Variants in TJP1 observed in about 807,000 individuals in gnomAD.
TJP1 encodes tight junction protein ZO-1.
TJP1 carries 43 observed loss-of-function variants against 194.2 expected under a neutral mutation model. The observed-to-expected ratio is 0.22, with a 90% CI of 0.17 to 0.29. TJP1 has a LOEUF of 0.29. Among genes scored for constraint, TJP1 ranks in the 10% least tolerant of loss-of-function variants. The pLI, the probability that TJP1 is intolerant of heterozygous loss-of-function variation, is 1.00. For synonymous variants in TJP1, 801 were observed against 779.0 expected (o/e 1.03, Z -0.47); for missense variants, 1,971 against 2,185.7 (o/e 0.90, Z 1.96).
At chr15:29,794,010 G>T (rs1363533150) in intron 2 of TJP1, among the ~76,000 whole-genome samples, 2 of 152,288 alleles carry the variant, frequency 1.3e-5, no homozygotes, top group East Asian at 1.9e-4. Context: ...AATGAATTTG[G>T]AAGTATTCTC....
intron 2 of TJP1, among the ~76,000 whole-genome samples, chr15:29,949,146 C>T (rs1228035437): frequency 6.6e-5 from 10 of 150,658 alleles, no homozygotes; most frequent in African/African-American, 2.4e-4. Context: ...TCCACCTTCA[C>T]CACCTCCACT....
At chr15:29,907,297 T>C (rs1172323940) in intron 2 of TJP1, among the ~76,000 whole-genome samples, 1 of 151,940 alleles carries the variant, frequency 6.6e-6, no homozygotes, top group Non-Finnish European at 1.5e-5. Flanking sequence ...TAGCCCCAGC[T>C]ACTCGGGAAG....
chr15:29,748,696 C>T (rs1805327119), intron 8 of TJP1, among the ~76,000 whole-genome samples: 2 of 150,204 alleles, frequency 1.3e-5, no homozygotes. Context: ...CCTCAGCCTG[C>T]AAGAGTAGCT....
rs143170352 is a variant in TJP1, at chr15:29,768,119, T to C, written c.313-1577A>G. Among the ~76,000 whole-genome samples the C allele has an allele frequency of 5.9e-5, 9 of 152,326 alleles. No homozygotes were observed. The East Asian group carries it at 1.7e-3, about 29-fold the overall frequency. ...CTCTACACTTAATACTACTGCTTCC[T>C]ATGACTACTACTATTATTATCAGAT... On this transcript the variant is annotated intron_variant, in intron 4 of 27. Coordinates refer to ENST00000614355, the MANE Select transcript of TJP1 (RefSeq NM_001330239.4).
intron 20 of TJP1, 65 bp downstream of exon 20, chr15:29,719,712 C>T: frequency 6.4e-7 from 1 of 1,563,408 alleles, no homozygotes; most frequent in South Asian, 1.2e-5. Flanking sequence ...AAGGGCAAAG[C>T]AAAAATGATC....
chr15:29,941,102 A>G (rs2055057846), intron 2 of TJP1, among the ~76,000 whole-genome samples: 2 of 152,142 alleles, frequency 1.3e-5, no homozygotes, highest in Admixed American at 1.3e-4. Flanking sequence ...CCTCCTTTCA[A>G]GGTTAGCAAA....
At chr15:29,795,504 T>C (rs2048349231) in intron 2 of TJP1, among the ~76,000 whole-genome samples, 1 of 151,232 alleles carries the variant, frequency 6.6e-6, no homozygotes, top group South Asian at 2.1e-4. Context: ...TATTCCTATA[T>C]AAAATTAAAG....
At chr15:29,852,079 A>C (rs1325038044) in intron 2 of TJP1, among the ~76,000 whole-genome samples, 1 of 152,240 alleles carries the variant, frequency 6.6e-6, no homozygotes, top group Non-Finnish European at 1.5e-5. Context: ...AATTTCTTAG[A>C]CCTGACACTA....
chr15:29,938,630 A>T (rs1328157033), intron 2 of TJP1, among the ~76,000 whole-genome samples: 2 of 152,212 alleles, frequency 1.3e-5, no homozygotes, highest in Non-Finnish European at 2.9e-5. Context: ...TCACCTTCGA[A>T]TAAGCACAGG....
At chr15:29,817,295 C>T (rs1231452748) in intron 1 of TJP1, among the ~76,000 whole-genome samples, 1 of 152,128 alleles carries the variant, frequency 6.6e-6, no homozygotes, top group Non-Finnish European at 1.5e-5. Context: ...CCATCTTACA[C>T]CCGTCAGAAT....
chr15:29,862,851 T>C lies in TJP1; in HGVS notation c.307-62149A>G, dbSNP rs568474859. Among the ~76,000 whole-genome samples, 190 of 150,498 alleles carry C rather than the reference T, an allele frequency of 1.3e-3. 1 individual carries two copies. Among genetic ancestry groups the C allele is most frequent in the African/African-American group, 4.3e-3 (176 of 41,184 alleles). On this transcript the variant is annotated intron_variant, in intron 2 of 28. Transcript: ENST00000356107. Reference sequence around the variant, plus strand: ...TTTTAGTAGAGACGGGGTTTCACCGTGTTAGCCAGGATGGTCGCGATCTCC... The same window carrying C: ...TTTTAGTAGAGACGGGGTTTCACCGCGTTAGCCAGGATGGTCGCGATCTCC...
rs563857696 is a variant in TJP1, at chr15:29,764,681, G to T, written c.589+1585C>A. ...GTAACTACCATGTCATCTGGGAATG[G>T]CCTGAGAAACTGGATCAATAGAAAC... On this transcript the variant is annotated intron_variant, in intron 5 of 27. Transcript: ENST00000614355. Among the ~76,000 whole-genome samples the T allele has an allele frequency of 9.9e-5, 15 of 152,272 alleles. No homozygotes were observed. In the South Asian group the frequency reaches 3.1e-3, roughly 32 times the overall value.
intron 8 of TJP1, among the ~76,000 whole-genome samples, chr15:29,750,203 T>C (rs2045166011): frequency 6.6e-6 from 1 of 152,174 alleles, no homozygotes; most frequent in South Asian, 2.1e-4. Context: ...AGACAGGGTT[T>C]CACCGTGTTA....
intron 2 of TJP1, among the ~76,000 whole-genome samples, chr15:29,949,379 G>A (rs1243504800): frequency 1.5e-5 from 1 of 68,524 alleles, no homozygotes; most frequent in Admixed American, 1.6e-4. Flanking sequence ...CTTCACCACT[G>A]CTACCTCCAC....
intron 2 of TJP1, among the ~76,000 whole-genome samples, chr15:29,916,419 G>A (rs1329708235): frequency 6.6e-6 from 1 of 151,916 alleles, no homozygotes; most frequent in Admixed American, 6.6e-5. Context: ...TGAGAAGACA[G>A]AACTGGATTT....
chr15:29,914,262 T>C (rs2054113621), intron 2 of TJP1, among the ~76,000 whole-genome samples: 1 of 152,304 alleles, frequency 6.6e-6, no homozygotes, highest in South Asian at 2.1e-4. Context: ...GGAGCAAATT[T>C]ATATTTATTT....
At chr15:29,750,333 T>G (rs2045182344) in intron 8 of TJP1, among the ~76,000 whole-genome samples, 1 of 151,950 alleles carries the variant, frequency 6.6e-6, no homozygotes, top group African/African-American at 2.4e-5. Flanking sequence ...GAGACAGGGT[T>G]TCACCGTGTT....
chr15:29,965,180 TCCTC>T (rs1167875432), intron 1 of TJP1, among the ~76,000 whole-genome samples: 4 of 139,406 alleles, frequency 2.9e-5, no homozygotes, highest in African/African-American at 1.1e-4. Context: ...TCATAATACA[TCCTC>T]ACATTTATTT....
At position 29,860,903 on chromosome 15, in the gene TJP1, T is replaced by C. The variant is rs139979964; in HGVS notation, c.307-60201A>G. 3.2e-3 allele frequency among the ~76,000 whole-genome samples: 491 copies of C among 152,346 alleles called. 1 individual carries two copies. The highest frequency in any genetic ancestry group is 5.9e-3 in the Non-Finnish European group (400 of 68,026). ...AAATTTTAAAATTAAGGTATGTACA[T>C]TGTTCTTCTTACATGTAATGCTACT... On this transcript the variant is annotated intron_variant, in intron 2 of 28. Transcript: ENST00000356107.
Sources: gnomAD v4.1 joint callset for allele counts (sites outside exome capture counted in the v4.1 genomes callset) on GRCh38, gnomAD v4.1.1 for gene constraint, MANE v1.5 for transcripts, NCBI Gene and HGNC (gene_info 2026-07-23, HGNC 2026-07-21) for gene names.